The following LOC400499 variants were observed in gnomAD, a reference collection of about 807,000 sequenced individuals.
the LOC400499 span, chr16:11,488,769 G>C: frequency 2.5e-6 from 1 of 398,998 alleles, no homozygotes. Context: ...TGGAACTCCT[G>C]GCTGAGGATG....
chr16:11,441,951 G>T, the LOC400499 span, among the ~76,000 whole-genome samples: 6 of 152,220 alleles, frequency 3.9e-5, no homozygotes, highest in Non-Finnish European at 8.8e-5. Flanking sequence ...CGTTATGGCA[G>T]CCATAGCAAA....
chr16:11,390,373 C>T, the LOC400499 span: 8 of 1,236,394 alleles, frequency 6.5e-6, no homozygotes, highest in Admixed American at 8.4e-5. Flanking sequence ...CTGCAGCCGC[C>T]GCATGGCCTC....
the LOC400499 span, chr16:11,392,032 G>A: frequency 2.5e-6 from 1 of 403,062 alleles, no homozygotes; most frequent in South Asian, 1.3e-4. Flanking sequence ...CCTTCTCACA[G>A]AGGCACCCAA....
the LOC400499 span, among the ~76,000 whole-genome samples, chr16:11,450,257 G>C: frequency 6.6e-6 from 1 of 152,242 alleles, no homozygotes; most frequent in Non-Finnish European, 1.5e-5. Context: ...ACAGTCAGTA[G>C]TCGGCATCAA....
the LOC400499 span, among the ~76,000 whole-genome samples, chr16:11,395,973 G>A: frequency 6.6e-6 from 1 of 152,176 alleles, no homozygotes; most frequent in African/African-American, 2.4e-5. Context: ...GGTATTGGAG[G>A]CCAACTCTGC....
the LOC400499 span, chr16:11,514,454 G>C: frequency 2.5e-6 from 1 of 399,040 alleles, no homozygotes; most frequent in Non-Finnish European, 4.4e-6. Flanking sequence ...AAGTGGCCCC[G>C]CGGAGTCCAG....
the LOC400499 span, among the ~76,000 whole-genome samples, chr16:11,463,001 GGCAA>G: frequency 6.6e-6 from 1 of 152,078 alleles, no homozygotes; most frequent in East Asian, 1.9e-4. Flanking sequence ...ATCTCCACAC[GGCAA>G]CCAGACACGT....
chr16:11,502,791 T>A, the LOC400499 span, among the ~76,000 whole-genome samples: 1 of 151,840 alleles, frequency 6.6e-6, no homozygotes, highest in South Asian at 2.1e-4. Flanking sequence ...ATTTTTTGTA[T>A]TTTTAGTAGA....
chr16:11,504,692 G>C, the LOC400499 span, among the ~76,000 whole-genome samples: 23 of 151,936 alleles, frequency 1.5e-4, no homozygotes, highest in Non-Finnish European at 3.1e-4. Flanking sequence ...GGAGGTCGAG[G>C]CAGGCAGATC....
At chr16:11,460,279 C>A in the LOC400499 span, among the ~76,000 whole-genome samples, 163 of 152,330 alleles carry the variant, frequency 1.1e-3, 1 homozygote, top group African/African-American at 3.7e-3. Context: ...TCACTGCAAC[C>A]TCCGCCTCCT....
At chr16:11,430,185 C>G in the LOC400499 span, among the ~76,000 whole-genome samples, 4 of 152,194 alleles carry the variant, frequency 2.6e-5, 1 homozygote, top group South Asian at 6.2e-4. Flanking sequence ...CTGCCCGGTA[C>G]CCTTCAAAAT....
At chr16:11,455,603 C>T in the LOC400499 span, among the ~76,000 whole-genome samples, 6 of 151,746 alleles carry the variant, frequency 4.0e-5, no homozygotes, top group African/African-American at 9.7e-5. Context: ...GGTGTGGTGG[C>T]ACACACCTGT....
chr16:11,385,186 A>G, the LOC400499 span: 2 of 1,231,670 alleles, frequency 1.6e-6, no homozygotes, highest in Non-Finnish European at 2.0e-6. Flanking sequence ...TCAGTCCTAC[A>G]GGCTGCCATG....
chr16:11,411,765 G>A, the LOC400499 span, among the ~76,000 whole-genome samples: 1 of 151,940 alleles, frequency 6.6e-6, no homozygotes, highest in South Asian at 2.1e-4. Flanking sequence ...TTAACCCCCT[G>A]ACTCCCTCCC....
At chr16:11,506,227 G>A in the LOC400499 span, among the ~76,000 whole-genome samples, 15 of 152,194 alleles carry the variant, frequency 9.9e-5, no homozygotes, top group Non-Finnish European at 1.5e-4. Flanking sequence ...GTTTCACCAT[G>A]TTGGCCAGGC....
chr16:11,469,364 G>A, the LOC400499 span: 1 of 399,022 alleles, frequency 2.5e-6, no homozygotes, highest in East Asian at 3.6e-5. Context: ...AGCCTAAGAT[G>A]TAGCACCTGT....
At chr16:11,462,613 G>C in the LOC400499 span, among the ~76,000 whole-genome samples, 1 of 152,066 alleles carries the variant, frequency 6.6e-6, no homozygotes. Context: ...AGTAGAGATG[G>C]AGTTTCACTA....
chr16:11,393,543 G>A, the LOC400499 span: 2 of 1,232,502 alleles, frequency 1.6e-6, no homozygotes, highest in Non-Finnish European at 2.0e-6. Flanking sequence ...AACCCGCTGA[G>A]CCTTGGAGCC....
chr16:11,420,380 T>A, the LOC400499 span, among the ~76,000 whole-genome samples: 2 of 134,450 alleles, frequency 1.5e-5, no homozygotes, highest in Non-Finnish European at 3.0e-5. Context: ...CACTCATAGA[T>A]GGGAATTGAA....
Sources: gnomAD v4.1 joint callset for allele counts (sites outside exome capture counted in the v4.1 genomes callset) on GRCh38, gnomAD v4.1.1 for gene constraint, MANE v1.5 for transcripts.